Variants in RBM33 observed in about 807,000 individuals in gnomAD.
RBM33 encodes the protein RNA binding motif protein 33, also known as RNA-binding protein 33.
A neutral mutation model predicts 132.6 loss-of-function variants in RBM33; 28 were observed. The ratio of observed to expected loss-of-function variants is 0.21; its 90% CI spans 0.16 to 0.29. The LOEUF is 0.29. Among genes scored for constraint, RBM33 ranks in the 10% least tolerant of loss-of-function variants. The pLI is 1.00. For synonymous variants in RBM33, 634 were observed against 593.0 expected, an observed-to-expected ratio of 1.07 and a Z score of -1.01; for missense variants, 1,291 against 1,518.5, an observed-to-expected ratio of 0.85 and a Z score of 2.49.
intron 5 of RBM33, among the ~76,000 whole-genome samples, chr7:155,699,596 A>G (rs1799900468): frequency 6.6e-6 from 1 of 152,194 alleles, no homozygotes; most frequent in South Asian, 2.1e-4. Context: ...ACGTCAGCAT[A>G]CTGAGTGGGG....
chr7:155,773,402 C>T (rs1272751093), intron 16 of RBM33, among the ~76,000 whole-genome samples: 1 of 151,816 alleles, frequency 6.6e-6, no homozygotes, highest in Non-Finnish European at 1.5e-5. Flanking sequence ...CCGGTCTCTA[C>T]TAAAAATACA....
In RBM33 at chr7:155,738,383, C is replaced by A. The variant is rs766661999; in HGVS notation, c.1717C>A (p.His573Asn). 6.2e-7 allele frequency: 1 copy of A among 1,613,454 alleles called. No individual in the cohort carries two copies. Residue 573 changes from histidine to asparagine, a missense_variant, in exon 11 of 18, where the codon CAC (histidine) becomes AAC (asparagine). Physicochemically the swap from His to Asn is moderately conservative, Grantham distance 68. This residue lies in a region of RBM33 where 841 missense variants were observed against 912.0 expected (regional missense o/e 0.92). Transcript: ENST00000401878. ...CCCAGGACAGCCGTTTCTGCCCACA[C>A]ACACACAGCCCAACCTGCAGGTAAT... The part of the protein sequence containing the change: ...PGPGQPFLPT[H>N]TQPNLQGPLH...
At chr7:155,752,160 T>C (rs1801705597) in intron 14 of RBM33, among the ~76,000 whole-genome samples, 1 of 152,206 alleles carries the variant, frequency 6.6e-6, no homozygotes, top group Admixed American at 6.5e-5. Flanking sequence ...AAGAAGATGT[T>C]CGAGCTCACC....
rs545873811 is a variant in RBM33, at chr7:155,768,742, G to A, written c.3375+2087G>A. On this transcript the variant is annotated intron_variant, in intron 16 of 17. Coordinates refer to ENST00000401878, the MANE Select transcript of RBM33 (RefSeq NM_053043.3). ...AGCGATTCTCCTGCCTCAGCCTCGC[G>A]AGTAGCTGGGACTACAGACGCGTGC... 9.2e-5 allele frequency among the ~76,000 whole-genome samples: 14 copies of A among 152,252 alleles called. No homozygotes were observed. In the South Asian group the frequency reaches 2.1e-3, roughly 23 times the overall value.
chr7:155,694,377 C>G (rs6459883), intron 5 of RBM33, among the ~76,000 whole-genome samples: 126,163 of 152,190 alleles, frequency 0.83, 52,881 homozygotes, highest in African/African-American at 0.94. Flanking sequence ...GCCATTTTCA[C>G]ATAGTTTTGG....
At chr7:155,723,493 G>C (rs1484700779) in intron 9 of RBM33, among the ~76,000 whole-genome samples, 1 of 152,184 alleles carries the variant, frequency 6.6e-6, no homozygotes, top group Non-Finnish European at 1.5e-5. Flanking sequence ...TCCTCCACTT[G>C]CTAGTGGGTT....
chr7:155,662,521 C>A (rs1369328623), intron 1 of RBM33, among the ~76,000 whole-genome samples: 2 of 151,934 alleles, frequency 1.3e-5, no homozygotes, highest in Non-Finnish European at 2.9e-5. Context: ...CTCACCCCGC[C>A]CCCCCCGCTC....
intron 7 of RBM33, chr7:155,707,279 C>T (rs1222426148): frequency 1.5e-6 from 1 of 667,438 alleles, no homozygotes; most frequent in South Asian, 1.5e-5. Context: ...AGTAAGAAAT[C>T]ATCCTGTACC....
chr7:155,693,887 A>G (rs1156598654), intron 5 of RBM33, among the ~76,000 whole-genome samples: 1 of 152,164 alleles, frequency 6.6e-6, no homozygotes, highest in African/African-American at 2.4e-5. Context: ...CATCTTTTTT[A>G]GAAGTCTAAA....
intron 5 of RBM33, among the ~76,000 whole-genome samples, chr7:155,697,264 G>A (rs908622984): frequency 3.9e-5 from 6 of 152,102 alleles, no homozygotes; most frequent in African/African-American, 7.2e-5. Context: ...GAGTGTTAAC[G>A]TCATGTTTCT....
At chr7:155,707,297 C>G (rs929338258) in intron 7 of RBM33, 1 of 648,724 alleles carries the variant, frequency 1.5e-6, no homozygotes, top group East Asian at 3.2e-5. Flanking sequence ...ACCACAGATA[C>G]TTCCAGAGGA....
Position 155,774,706 on chromosome 7 carries a change from T to C in RBM33, c.3464+59T>C. On this transcript the variant is annotated intron_variant, in intron 17 of 17. Coordinates refer to ENST00000401878, the MANE Select transcript of RBM33 (RefSeq NM_053043.3). The surrounding 1 kb of genome is among the most constrained non-coding windows in gnomAD (Gnocchi z 4.2). ...GGGGCGGGAGCAAGGCCCTCCTTCC[T>C]GTGCCCTCCCATCCATCATGGTAGC... 7.6e-7 allele frequency: 1 copy of C among 1,321,468 alleles called. No individual in the cohort carries two copies. Among genetic ancestry groups the C allele is most frequent in the Non-Finnish European group, 1.1e-6 (1 of 913,172 alleles). The allele number at this position is 1,321,468 out of a possible 1,614,324, so 81.9% of individuals were successfully genotyped here.
chr7:155,764,613 G>A (rs188993952), intron 15 of RBM33, among the ~76,000 whole-genome samples: 9 of 152,318 alleles, frequency 5.9e-5, no homozygotes, highest in Admixed American at 2.0e-4. Flanking sequence ...ATCCTGTCAC[G>A]TACGCAAGTG....
chr7:155,672,858 T>TC lies in RBM33; in HGVS notation c.123-8dup, dbSNP rs1274443642. ...TAATCATTGACATGTCTCTTTTTTT[T>TC]CTCCCAAGTGAACTTGAAGATGATT... is the stretch of plus-strand genomic sequence containing the variant. On this transcript the variant is annotated splice_polypyrimidine_tract_variant and intron_variant, in intron 2 of 17. Coordinates refer to ENST00000401878, the MANE Select transcript of RBM33 (RefSeq NM_053043.3). The TC allele has an allele frequency of 1.6e-5, 24 of 1,545,384 alleles. No individual in the cohort carries two copies. The highest frequency in any genetic ancestry group is 3.6e-5 in the South Asian group (3 of 83,144).
chr7:155,774,730 G>A lies in RBM33; in HGVS notation c.3464+83G>A. 4.5e-6 allele frequency: 5 copies of A among 1,119,242 alleles called. No individual in the cohort carries two copies. Among genetic ancestry groups the A allele is most frequent in the Non-Finnish European group, 6.8e-6 (5 of 730,344 alleles). The allele number at this position is 1,119,242 out of a possible 1,614,324, so 69.3% of individuals were successfully genotyped here. On this transcript the variant is annotated intron_variant, in intron 17 of 17. Coordinates refer to ENST00000401878, the MANE Select transcript of RBM33 (RefSeq NM_053043.3). This position sits in a 1 kb window ranked among gnomAD's most constrained non-coding sequence, Gnocchi z 4.2. ...CTGTGCCCTCCCATCCATCATGGTA[G>A]CAAGCGTGTGTCCCCACCTGTTCCT...
intron 5 of RBM33, among the ~76,000 whole-genome samples, chr7:155,688,476 C>T (rs952723032): frequency 6.6e-6 from 1 of 152,162 alleles, no homozygotes; most frequent in African/African-American, 2.4e-5. Flanking sequence ...ATTTCTTTCT[C>T]CTGCCTGATT....
intron 16 of RBM33, among the ~76,000 whole-genome samples, chr7:155,773,803 C>T (rs1371997270): frequency 6.6e-6 from 1 of 152,080 alleles, no homozygotes; most frequent in Non-Finnish European, 1.5e-5. Context: ...GAAAGCAGCT[C>T]CCCCTCTTCC....
intron 14 of RBM33, among the ~76,000 whole-genome samples, chr7:155,755,714 C>T (rs964429666): frequency 2.0e-5 from 3 of 152,184 alleles, no homozygotes; most frequent in Admixed American, 6.5e-5. Context: ...AAGATTTGAT[C>T]TGTCAAATTG....
intron 2 of RBM33, among the ~76,000 whole-genome samples, chr7:155,667,688 C>T (rs531603634): frequency 6.6e-6 from 1 of 152,188 alleles, no homozygotes; most frequent in African/African-American, 2.4e-5. Flanking sequence ...TCCTGAGTGC[C>T]CACTTCAGGA....
Sources: gnomAD v4.1 joint callset for allele counts (sites outside exome capture counted in the v4.1 genomes callset) on GRCh38, gnomAD v4.1.1 for gene constraint, gnomAD v4.1.1 regional missense constraint, Gnocchi (gnomAD v3.1) non-coding constraint, MANE v1.5 for transcripts, NCBI Gene and HGNC (gene_info 2026-07-23, HGNC 2026-07-21) for gene names.